The following ENAH variants were observed in gnomAD, a reference collection of about 807,000 sequenced individuals.
ENAH encodes the protein protein enabled homolog.
In ENAH, 23 loss-of-function variants were observed where a neutral mutation model predicts 78.7. That is an observed-to-expected ratio of 0.29 (90% CI 0.21 to 0.41). The LOEUF (loss-of-function observed/expected upper bound fraction) is 0.41, where lower values mean the gene tolerates loss of function less well. Among genes scored for constraint, ENAH ranks in the 10% least tolerant of loss-of-function variants. The pLI, the probability that ENAH is intolerant of heterozygous loss-of-function variation, is 1.00. For synonymous variants in ENAH, 226 were observed against 241.0 expected (o/e 0.94, Z 0.58); for missense variants, 544 against 691.0 (o/e 0.79, Z 2.39).
chr1:225,508,910 C>G (rs978221236), intron 10 of ENAH, among the ~76,000 whole-genome samples: 5 of 152,190 alleles, frequency 3.3e-5, no homozygotes, highest in African/African-American at 7.2e-5. Context: ...TCTCAGGTAG[C>G]TTACCGTCTC....
intron 2 of ENAH, among the ~76,000 whole-genome samples, chr1:225,560,185 T>C (rs76836093): frequency 5.3e-5 from 8 of 151,402 alleles, no homozygotes; most frequent in African/African-American, 7.3e-5. Flanking sequence ...TTTTTTTTTT[T>C]CCTGAGACAA....
At chr1:225,556,954 A>T (rs2096670325) in intron 2 of ENAH, among the ~76,000 whole-genome samples, 1 of 152,200 alleles carries the variant, frequency 6.6e-6, no homozygotes, top group African/African-American at 2.4e-5. Flanking sequence ...CCTGCAGCAC[A>T]TAAATCAAGT....
chr1:225,503,715 G>T (rs1281200952), intron 11 of ENAH, among the ~76,000 whole-genome samples: 1 of 137,464 alleles, frequency 7.3e-6, no homozygotes, highest in Non-Finnish European at 1.5e-5. Context: ...TAAACATTTT[G>T]TGAAGATTTA....
At chr1:225,547,975 C>G (rs2096622782) in intron 3 of ENAH, among the ~76,000 whole-genome samples, 1 of 152,140 alleles carries the variant, frequency 6.6e-6, no homozygotes, top group African/African-American at 2.4e-5. Flanking sequence ...ATGGTTGTGC[C>G]TTACCTCCCC....
At chr1:225,588,526 G>A (rs1382768411) in intron 1 of ENAH, among the ~76,000 whole-genome samples, 1 of 152,166 alleles carries the variant, frequency 6.6e-6, no homozygotes, top group Non-Finnish European at 1.5e-5. Context: ...AAGAAAAGTT[G>A]GGGCCGGGCA....
At chr1:225,614,517 C>T (rs1287694353) in intron 1 of ENAH, among the ~76,000 whole-genome samples, 1 of 152,152 alleles carries the variant, frequency 6.6e-6, no homozygotes, top group Non-Finnish European at 1.5e-5. Flanking sequence ...CATCTGGAAG[C>T]TCTCCAGACT....
intron 3 of ENAH, among the ~76,000 whole-genome samples, chr1:225,539,761 C>A (rs956165817): frequency 6.8e-6 from 1 of 147,788 alleles, no homozygotes; most frequent in Non-Finnish European, 1.5e-5. Context: ...TGCTGTATCA[C>A]CTTTCCTCTG....
intron 2 of ENAH, among the ~76,000 whole-genome samples, chr1:225,564,410 TC>T (rs2096724440): frequency 1.3e-5 from 2 of 150,704 alleles, no homozygotes; most frequent in South Asian, 4.2e-4. Context: ...TGCCTCAGCC[TC>T]CCAAGTAGCT....
At chr1:225,641,044 T>C (rs1260414501) in intron 1 of ENAH, among the ~76,000 whole-genome samples, 1 of 151,962 alleles carries the variant, frequency 6.6e-6, no homozygotes, top group African/African-American at 2.4e-5. Flanking sequence ...TTTGTATTTT[T>C]AGTAGAGACA....
chr1:225,508,338 G>A (rs1056406738), intron 10 of ENAH: 3 of 167,282 alleles, frequency 1.8e-5, no homozygotes, highest in African/African-American at 7.1e-5. Flanking sequence ...AATAAAGTAG[G>A]ATAATTTTAA....
intron 1 of ENAH, among the ~76,000 whole-genome samples, chr1:225,651,432 T>C (rs1418615821): frequency 6.6e-6 from 1 of 152,148 alleles, no homozygotes; most frequent in Non-Finnish European, 1.5e-5. Context: ...AAATGGAAAC[T>C]ACCGAAATTG....
chr1:225,615,436 C>G (rs914818626), intron 1 of ENAH, among the ~76,000 whole-genome samples: 1 of 152,200 alleles, frequency 6.6e-6, no homozygotes, highest in African/African-American at 2.4e-5. Context: ...CCCAAAGTGC[C>G]GAGATTGCAG....
chr1:225,640,948 T>C (rs1575834033), intron 1 of ENAH, among the ~76,000 whole-genome samples: 1 of 145,886 alleles, frequency 6.9e-6, no homozygotes. Flanking sequence ...CAGGCTGGAG[T>C]GCAATGGCGC....
chr1:225,653,320 G>A (rs1158657993), upstream of ENAH, among the ~76,000 whole-genome samples: 3 of 151,522 alleles, frequency 2.0e-5, no homozygotes, highest in Non-Finnish European at 3.0e-5. This position sits in a 1 kb window ranked among gnomAD's most constrained non-coding sequence, Gnocchi z 4.3. Flanking sequence ...GAGGCTGGGA[G>A]AGAGCGAGCG....
At chr1:225,511,992 T>A in intron 9 of ENAH, 133 bp from the exon 10 acceptor site, 2 of 545,200 alleles carry the variant, frequency 3.7e-6, no homozygotes, top group Admixed American at 6.7e-5. Flanking sequence ...CTTCTCTCCC[T>A]TTCATTTCAG....
chr1:225,519,600 C>A (rs772699301), intron 4 of ENAH, 35 bp from the exon 5 acceptor site: 3 of 1,573,644 alleles, frequency 1.9e-6, no homozygotes, highest in East Asian at 2.2e-5. Flanking sequence ...AAACATGCAT[C>A]TATGGCTACT....
intron 3 of ENAH, among the ~76,000 whole-genome samples, chr1:225,542,028 A>G (rs1241114190): frequency 6.6e-6 from 1 of 152,158 alleles, no homozygotes; most frequent in African/African-American, 2.4e-5. Context: ...CTACAGGTGC[A>G]TACCACCACA....
At position 225,492,717 on chromosome 1, in the gene ENAH, TCA is replaced by T. The variant is rs1214621188; in HGVS notation, c.*5056_*5057del. ...ACTTCCGTTTAGAAGGTTGTGTGCA[TCA>T]CAGAGTATCTGTAACGGGGACAGTC... On this transcript the variant is annotated 3_prime_UTR_variant, in exon 14 of 14. Transcript: ENST00000366843. 6.6e-6 allele frequency: 1 copy of T among 152,246 alleles called. No individual in the cohort carries two copies. Among genetic ancestry groups the T allele is most frequent in the African/African-American group, 2.4e-5 (1 of 41,456 alleles). 9.4% of individuals were successfully genotyped at this position (152,246 alleles called of 1,614,324 possible). A position where few individuals can be genotyped will look rare whatever the true frequency, so the allele number is the denominator to read the frequency against.
At chr1:225,614,568 T>C (rs907050757) in intron 1 of ENAH, among the ~76,000 whole-genome samples, 1 of 152,142 alleles carries the variant, frequency 6.6e-6, no homozygotes, top group African/African-American at 2.4e-5. Flanking sequence ...TATGTAGACA[T>C]GACTGATTAA....
Sources: allele counts gnomAD v4.1 joint callset (sites outside exome capture counted in the v4.1 genomes callset), GRCh38; gene constraint gnomAD v4.1.1; non-coding constraint Gnocchi (gnomAD v3.1); transcripts MANE v1.5; gene names NCBI Gene and HGNC (gene_info 2026-07-23, HGNC 2026-07-21).